The following PLEKHA5 variants were observed in gnomAD, a reference collection of about 807,000 sequenced individuals.
PLEKHA5 encodes pleckstrin homology domain-containing family A member 5.
In PLEKHA5, 55 loss-of-function variants were observed where a neutral mutation model predicts 181.9. The observed-to-expected ratio is 0.30, with a 90% CI of 0.24 to 0.38. The LOEUF is 0.38. Ranked by LOEUF, PLEKHA5 falls within the 10% of genes least tolerant of loss-of-function variation. The probability of loss-of-function intolerance (pLI) is 1.00; values close to 1 mark genes in which losing one functional copy is unlikely to be tolerated. For missense variants in PLEKHA5, 1,432 were observed against 1,549.5 expected (o/e 0.92, Z 1.27); for synonymous variants, 535 against 529.4 (o/e 1.01, Z -0.15).
At chr12:19,195,672 CAAAAAAAAAAAAA>C (rs3056386) in intron 3 of PLEKHA5, among the ~76,000 whole-genome samples, 4 of 81,606 alleles carry the variant, frequency 4.9e-5, no homozygotes, top group African/African-American at 1.9e-4. Flanking sequence ...GACCCTGTCT[CAAAAAAAAAAAAA>C]AAAAAAAAAA....
intron 16 of PLEKHA5, among the ~76,000 whole-genome samples, chr12:19,315,895 C>G (rs936192669): frequency 2.0e-5 from 3 of 151,970 alleles, no homozygotes; most frequent in Non-Finnish European, 2.9e-5. Flanking sequence ...TATTTCAGCA[C>G]AGTTTTCAAA....
At chr12:19,174,690 G>A (rs907298850) in intron 3 of PLEKHA5, among the ~76,000 whole-genome samples, 7 of 152,090 alleles carry the variant, frequency 4.6e-5, no homozygotes, top group East Asian at 3.9e-4. Context: ...TAGCAGAGCC[G>A]AGACCAGAAT....
At chr12:19,199,703 G>A (rs981792749) in intron 3 of PLEKHA5, among the ~76,000 whole-genome samples, 3 of 152,126 alleles carry the variant, frequency 2.0e-5, no homozygotes, top group Non-Finnish European at 2.9e-5. Context: ...GACCACAGAA[G>A]CCATGGAGGA....
intron 20 of PLEKHA5, among the ~76,000 whole-genome samples, chr12:19,334,653 TAAAGG>T (rs1298162443): frequency 6.6e-6 from 1 of 150,984 alleles, no homozygotes; most frequent in Admixed American, 6.6e-5. Flanking sequence ...TAATTTTTGT[TAAAGG>T]AAATTAATTT....
intron 3 of PLEKHA5, among the ~76,000 whole-genome samples, chr12:19,250,769 A>T (rs1345510004): frequency 1.3e-5 from 2 of 152,154 alleles, no homozygotes; most frequent in African/African-American, 2.4e-5. Context: ...ATTCTAATGC[A>T]TTTTTAATAG....
intron 23 of PLEKHA5, 137 bp from the exon 24 acceptor site, chr12:19,346,857 A>T (rs2094358280): frequency 1.9e-6 from 1 of 525,454 alleles, no homozygotes; most frequent in African/African-American, 2.0e-5. Context: ...TTTACTTTTC[A>T]TTATTAGACT....
At chr12:19,283,823 G>A in intron 12 of PLEKHA5, 78 bp downstream of exon 12, 1 of 865,150 alleles carries the variant, frequency 1.2e-6, no homozygotes, top group Non-Finnish European at 1.8e-6. Flanking sequence ...TATTTTAAAT[G>A]TGAGAGACAA....
chr12:19,340,486 C>T (rs2093805938), intron 21 of PLEKHA5, among the ~76,000 whole-genome samples: 1 of 141,952 alleles, frequency 7.0e-6, no homozygotes. Flanking sequence ...GCCATGATGA[C>T]AATGGCGGTT....
At chr12:19,279,068 A>G (rs2075368958) in intron 11 of PLEKHA5, among the ~76,000 whole-genome samples, 1 of 152,168 alleles carries the variant, frequency 6.6e-6, no homozygotes, top group Non-Finnish European at 1.5e-5. Context: ...AGAAAAGAGG[A>G]TCCCAGTTTC....
chr12:19,304,820 T>A (rs759492372), intron 15 of PLEKHA5, among the ~76,000 whole-genome samples: 1 of 151,824 alleles, frequency 6.6e-6, no homozygotes, highest in Non-Finnish European at 1.5e-5. Context: ...GTCAGCTGGA[T>A]GTGATGCCTC....
chr12:19,306,383 C>T (rs1308734218), intron 15 of PLEKHA5: 1 of 515,924 alleles, frequency 1.9e-6, no homozygotes. Context: ...CTCTTCCCCT[C>T]CCCCGCGGCG....
chr12:19,286,621 A>G (rs905124581), intron 12 of PLEKHA5, among the ~76,000 whole-genome samples: 5 of 152,154 alleles, frequency 3.3e-5, no homozygotes, highest in African/African-American at 1.2e-4. Context: ...AAGAATATAA[A>G]GGGATCCTGA....
intron 3 of PLEKHA5, chr12:19,200,284 T>C: frequency 6.2e-6 from 9 of 1,450,534 alleles, no homozygotes; most frequent in Non-Finnish European, 8.4e-6. Flanking sequence ...AAAAAAAAAT[T>C]TAAACATTAA....
At chr12:19,189,982 G>T (rs2151944562) in intron 3 of PLEKHA5, among the ~76,000 whole-genome samples, 1 of 152,234 alleles carries the variant, frequency 6.6e-6, no homozygotes, top group South Asian at 2.1e-4. Flanking sequence ...CTTTTCCAAA[G>T]ACATTAATTT....
intron 16 of PLEKHA5, among the ~76,000 whole-genome samples, chr12:19,317,812 A>G (rs957895294): frequency 4.0e-5 from 6 of 151,684 alleles, no homozygotes; most frequent in African/African-American, 1.5e-4. Context: ...ACACTCCTCA[A>G]CCTGAAGTTG....
chr12:19,145,278 A>G (rs1406775634), intron 3 of PLEKHA5, among the ~76,000 whole-genome samples: 1 of 152,154 alleles, frequency 6.6e-6, no homozygotes, highest in Non-Finnish European at 1.5e-5. Flanking sequence ...AGTAGTTATT[A>G]TCAGTGGCAG....
At chr12:19,142,655 T>TA (rs1489421510) in intron 3 of PLEKHA5, among the ~76,000 whole-genome samples, 3 of 152,326 alleles carry the variant, frequency 2.0e-5, no homozygotes, top group East Asian at 3.9e-4. Flanking sequence ...ATGAAATCGT[T>TA]ACAGTAGTCA....
Position 19,259,804 on chromosome 12 carries a change from TG to T in PLEKHA5, c.538-1143del, listed in dbSNP as rs1200853364. Among the ~76,000 whole-genome samples, 319 of 116,772 alleles carry T rather than the reference TG, an allele frequency of 2.7e-3. 1 individual carries two copies. The highest frequency in any genetic ancestry group is 8.7e-3 in the African/African-American group (298 of 34,100). 76.6% of individuals were successfully genotyped at this position (116,772 alleles called of 152,430 possible). On this transcript the variant is annotated intron_variant, in intron 6 of 31. Coordinates refer to ENST00000429027, the MANE Select transcript of PLEKHA5 (RefSeq NM_001256470.2). ...GCCATTTAATTTTTTTTTTTTTTTT[TG>T]GTTTCTTTTTTGGTATAGCTGTCAA...
intron 3 of PLEKHA5, among the ~76,000 whole-genome samples, chr12:19,142,087 C>A (rs996505908): frequency 2.6e-5 from 4 of 152,148 alleles, no homozygotes; most frequent in Non-Finnish European, 5.9e-5. Context: ...AGGCCAGGTG[C>A]TGTGGCTCAC....
Sources: gnomAD v4.1 joint callset for allele counts (sites outside exome capture counted in the v4.1 genomes callset) on GRCh38, gnomAD v4.1.1 for gene constraint, MANE v1.5 for transcripts, NCBI Gene and HGNC (gene_info 2026-07-23, HGNC 2026-07-21) for gene names.